The following NIBAN1 variants were observed in gnomAD, a reference collection of about 807,000 sequenced individuals.
NIBAN1 encodes the protein protein Niban 1.
A neutral mutation model predicts 75.1 loss-of-function variants in NIBAN1; 81 were observed. The ratio of observed to expected loss-of-function variants is 1.08; its 90% CI spans 0.90 to 1.30. NIBAN1 has a LOEUF of 1.30. Ranked by LOEUF, NIBAN1 falls within the 50% of genes most tolerant of loss-of-function variation. The pLI is 0.00. For missense variants in NIBAN1, 1,133 were observed against 1,128.1 expected, an observed-to-expected ratio of 1.00 and a Z score of -0.06; for synonymous variants, 436 against 424.8, an observed-to-expected ratio of 1.03 and a Z score of -0.32.
At position 184,913,138 on chromosome 1, in the gene NIBAN1, T is replaced by TATATATATATATATAATATATATATATG. The variant is rs1553227217; in HGVS notation, c.56-13830_56-13829insCATATATATATATTATATATATATATAT. Among the ~76,000 whole-genome samples, 13 of 82,768 alleles carry TATATATATATATATAATATATATATATG rather than the reference T, an allele frequency of 1.6e-4. No individual in the cohort carries two copies. The East Asian group carries it at 3.3e-3, about 21-fold the overall frequency. 54.3% of individuals were successfully genotyped at this position (82,768 alleles called of 152,430 possible). A position where few individuals can be genotyped will look rare whatever the true frequency, so the allele number is the denominator to read the frequency against. On this transcript the variant is annotated intron_variant, in intron 1 of 13. Transcript: ENST00000367511. ...ATATATGCCTTGCATATCATGCAGG[T>TATATATATATATATAATATATATATATG]ATATATATATATATATTATATATAT...
At chr1:184,890,307 T>C in intron 3 of NIBAN1, 85 bp from the exon 4 acceptor site, 1 of 881,738 alleles carries the variant, frequency 1.1e-6, no homozygotes, top group Non-Finnish European at 1.9e-6. Flanking sequence ...AATAGACAGA[T>C]TCAGACATTC....
At chr1:184,889,737 T>C (rs758815279) in intron 4 of NIBAN1, among the ~76,000 whole-genome samples, 15 of 152,202 alleles carry the variant, frequency 9.9e-5, no homozygotes, top group Non-Finnish European at 1.9e-4. Flanking sequence ...CTGTGTATTA[T>C]TGAATGGGAT....
At position 184,831,871 on chromosome 1, in the gene NIBAN1, T is replaced by G; in HGVS notation, c.693A>C (p.Glu231Asp). 4 of 1,614,160 alleles carry G rather than the reference T, an allele frequency of 2.5e-6. No individual in the cohort carries two copies. The highest frequency in any genetic ancestry group is 3.4e-6 in the Non-Finnish European group (4 of 1,179,974). ...CCTGGATTTCATCCCCAGTGATCAT[T>G]TCCCAGGAACCATAGTGACCCTTCT... ...RQEKGHYGSW[E>D]MITGDEIQIL... The change falls in exon 6 of 14, where the codon GAA (glutamate) becomes GAC (aspartate). Residue 231 changes from glutamate to aspartate, a missense_variant. Transcript: ENST00000367511.
intron 1 of NIBAN1, among the ~76,000 whole-genome samples, chr1:184,907,879 C>G (rs899211059): frequency 6.6e-6 from 1 of 152,110 alleles, no homozygotes; most frequent in Non-Finnish European, 1.5e-5. Flanking sequence ...GTAGAAATCC[C>G]ACCTTGAGTT....
At chr1:184,948,122 TA>T (rs571729923) in intron 1 of NIBAN1, among the ~76,000 whole-genome samples, 1,603 of 148,970 alleles carry the variant, frequency 0.011, 20 homozygotes, top group South Asian at 0.022. Context: ...AAATAGGAAA[TA>T]AAAAAAAAAT....
At chr1:184,955,359 T>TTCCTTTCCTTTCCTTTCCTTTC (rs1557929596) in intron 1 of NIBAN1, among the ~76,000 whole-genome samples, 1 of 150,978 alleles carries the variant, frequency 6.6e-6, no homozygotes, top group South Asian at 2.1e-4. Flanking sequence ...TTCCTTTCCT[T>TTCCTTTCCTTTCCTTTCCTTTC]TTCTTTTTTG....
intron 9 of NIBAN1, among the ~76,000 whole-genome samples, chr1:184,808,920 A>G (rs904920547): frequency 2.6e-5 from 4 of 152,234 alleles, no homozygotes; most frequent in African/African-American, 9.6e-5. Flanking sequence ...AGTGTTATCA[A>G]CAAATGTTGT....
At chr1:184,974,162 C>G (rs911921763) in intron 1 of NIBAN1, 140 bp downstream of exon 1, 5 of 895,760 alleles carry the variant, frequency 5.6e-6, no homozygotes, top group Middle Eastern at 3.8e-4. Context: ...AAACCCGACT[C>G]GCGCGGGCGG....
In NIBAN1 at chr1:184,954,171, G is replaced by C. The variant is rs186976072; in HGVS notation, c.55+20131C>G. Among the ~76,000 whole-genome samples, 530 of 152,264 alleles carry C rather than the reference G, an allele frequency of 3.5e-3. 2 individuals are homozygous for C. The highest frequency in any genetic ancestry group is 5.7e-3 in the Non-Finnish European group (387 of 68,032). ...TTAGAGAGGGAGAGTAAGTTGGATG[G>C]GGGAAACCTTGGACTATTCTAGGAC... On this transcript the variant is annotated intron_variant, in intron 1 of 13. Coordinates refer to ENST00000367511, the MANE Select transcript of NIBAN1 (RefSeq NM_052966.4).
chr1:184,935,661 A>G (rs1657937091), intron 1 of NIBAN1, among the ~76,000 whole-genome samples: 2 of 152,136 alleles, frequency 1.3e-5, no homozygotes, highest in South Asian at 4.1e-4. Flanking sequence ...AATTTGCAAA[A>G]ATTCAGACTG....
chr1:184,843,878 C>T (rs1017452880), intron 5 of NIBAN1, among the ~76,000 whole-genome samples: 7 of 152,186 alleles, frequency 4.6e-5, no homozygotes, highest in African/African-American at 7.2e-5. Context: ...GTGGCCATCA[C>T]ACACCCGGGT....
intron 1 of NIBAN1, among the ~76,000 whole-genome samples, chr1:184,931,153 C>T (rs573421293): frequency 6.6e-6 from 1 of 152,132 alleles, no homozygotes; most frequent in African/African-American, 2.4e-5. Flanking sequence ...GCACCCACTA[C>T]CCTACCCGGC....
intron 1 of NIBAN1, among the ~76,000 whole-genome samples, chr1:184,928,093 C>T (rs1296154135): frequency 6.6e-6 from 1 of 152,130 alleles, no homozygotes; most frequent in Non-Finnish European, 1.5e-5. Context: ...GGGGCCTTCC[C>T]TTCAAGGTAG....
intron 1 of NIBAN1, among the ~76,000 whole-genome samples, chr1:184,904,807 C>T (rs906472688): frequency 1.6e-4 from 25 of 152,078 alleles, no homozygotes; most frequent in East Asian, 3.9e-4. Context: ...AAAAATTAGC[C>T]GGGTGTGGTG....
At chr1:184,953,846 A>T (rs986318491) in intron 1 of NIBAN1, among the ~76,000 whole-genome samples, 1 of 152,258 alleles carries the variant, frequency 6.6e-6, no homozygotes, top group Non-Finnish European at 1.5e-5. Flanking sequence ...GGCTTCTCAG[A>T]ACTTAACATT....
rs117066100 is a variant in NIBAN1, at chr1:184,839,247, T to A, written c.602-7285A>T. 3.3e-3 allele frequency among the ~76,000 whole-genome samples: 507 copies of A among 152,330 alleles called. 8 individuals are homozygous for A. In the East Asian group the frequency reaches 0.039, roughly 12 times the overall value. On this transcript the variant is annotated intron_variant, in intron 5 of 13. Coordinates refer to ENST00000367511, the MANE Select transcript of NIBAN1 (RefSeq NM_052966.4). The stretch of plus-strand genomic sequence containing the variant: ...AGCATGTGGTCAAGCAATGGCCACT[T>A]ACCTCTAAAGTCCTGTTATAACAGT...
chr1:184,896,505 T>C (rs1216880570), intron 2 of NIBAN1, among the ~76,000 whole-genome samples: 3 of 152,162 alleles, frequency 2.0e-5, no homozygotes, highest in African/African-American at 7.2e-5. Flanking sequence ...TCTGTTTATT[T>C]TGTTGACTAT....
intron 11 of NIBAN1, among the ~76,000 whole-genome samples, chr1:184,804,693 T>C (rs1309522124): frequency 1.3e-5 from 2 of 152,176 alleles, no homozygotes; most frequent in Non-Finnish European, 2.9e-5. Flanking sequence ...CGCTAAAGCA[T>C]TTGACACTGA....
intron 5 of NIBAN1, among the ~76,000 whole-genome samples, chr1:184,837,493 A>G (rs574392724): frequency 6.6e-6 from 1 of 152,260 alleles, no homozygotes; most frequent in South Asian, 2.1e-4. Context: ...AAAGTTGAAA[A>G]AGTGGCTCTG....
Sources: allele counts gnomAD v4.1 joint callset (sites outside exome capture counted in the v4.1 genomes callset), GRCh38; gene constraint gnomAD v4.1.1; transcripts MANE v1.5; gene names NCBI Gene and HGNC (gene_info 2026-07-23, HGNC 2026-07-21).